Variants in PCDH15 observed in about 807,000 individuals in gnomAD.
PCDH15 encodes protocadherin-15.
In PCDH15, 129 loss-of-function variants were observed where a neutral mutation model predicts 178.5. That is an observed-to-expected ratio of 0.72 (90% CI 0.63 to 0.84). PCDH15 has a LOEUF of 0.84. Among genes scored for constraint, PCDH15 ranks in the 40% least tolerant of loss-of-function variants. The pLI is 0.00. For missense variants in PCDH15, 2,230 were observed against 2,099.9 expected, an observed-to-expected ratio of 1.06 and a Z score of -1.21; for synonymous variants, 800 against 732.0, an observed-to-expected ratio of 1.09 and a Z score of -1.50.
chr10:54,258,966 T>A (rs1202330661), intron 8 of PCDH15, among the ~76,000 whole-genome samples: 1 of 152,134 alleles, frequency 6.6e-6, no homozygotes, highest in Non-Finnish European at 1.5e-5. Context: ...GCAAATAAGT[T>A]TTTTTCCATA....
intron 1 of PCDH15, among the ~76,000 whole-genome samples, chr10:54,733,268 A>C (rs1329428193): frequency 1.3e-5 from 2 of 151,664 alleles, no homozygotes; most frequent in African/African-American, 4.8e-5. Context: ...ACTTTCAAGA[A>C]TAGCAAAAGA....
At chr10:53,910,355 A>G (rs1206806143) in intron 25 of PCDH15, among the ~76,000 whole-genome samples, 1 of 152,132 alleles carries the variant, frequency 6.6e-6, no homozygotes, top group African/African-American at 2.4e-5. Flanking sequence ...CTCCGCTGGT[A>G]ACACCCAGGC....
intron 2 of PCDH15, among the ~76,000 whole-genome samples, chr10:55,105,672 ATTG>A (rs1177000751): frequency 6.6e-6 from 1 of 152,104 alleles, no homozygotes; most frequent in Non-Finnish European, 1.5e-5. Flanking sequence ...AGGTATGTTT[ATTG>A]TTTAAAGCTC....
At chr10:54,762,016 C>T (rs1733926510) in intron 1 of PCDH15, among the ~76,000 whole-genome samples, 1 of 152,092 alleles carries the variant, frequency 6.6e-6, no homozygotes, top group South Asian at 2.1e-4. Context: ...ATACCACTGA[C>T]AGCAGGCACT....
chr10:55,409,751 G>A (rs191311926), intron 2 of PCDH15, among the ~76,000 whole-genome samples: 5 of 152,268 alleles, frequency 3.3e-5, no homozygotes, highest in Admixed American at 1.3e-4. Flanking sequence ...GCAAAGTTAT[G>A]TAAATATGTG....
At chr10:55,044,509 T>C (rs1490734888) in intron 2 of PCDH15, among the ~76,000 whole-genome samples, 2 of 152,118 alleles carry the variant, frequency 1.3e-5, no homozygotes, top group Non-Finnish European at 2.9e-5. Flanking sequence ...ACCTCCATAT[T>C]AATTTAACAT....
At position 53,822,457 on chromosome 10, in the gene PCDH15, AAGGAGGAGAAAT is replaced by A. The variant is rs756858099; in HGVS notation, c.4368-2239_4368-2228del. 23 of 1,599,846 alleles carry A rather than the reference AAGGAGGAGAAAT, an allele frequency of 1.4e-5. No individual in the cohort carries two copies. Among genetic ancestry groups the A allele is most frequent in the South Asian group, 3.3e-5 (3 of 89,804 alleles). Reference sequence around the variant, plus strand: ...AGAGGAGCAGGAGCAGGAGGAGGAGAAGGAGGAGAAATAGGAGGAGGAGGGGGAAGGGGACAG... The same window carrying A: ...AGAGGAGCAGGAGCAGGAGGAGGAGAAGGAGGAGGAGGGGGAAGGGGACAG... On this transcript the variant is annotated intron_variant, in intron 32 of 37. Transcript: ENST00000644397.
chr10:53,814,740 C>A (rs558362379), intron 35 of PCDH15, among the ~76,000 whole-genome samples: 6 of 151,810 alleles, frequency 4.0e-5, no homozygotes, highest in African/African-American at 1.5e-4. Flanking sequence ...CCGAGGTGGG[C>A]GGATCACAAG....
At chr10:55,443,399 T>C (rs1177944247) in intron 2 of PCDH15, among the ~76,000 whole-genome samples, 1 of 151,840 alleles carries the variant, frequency 6.6e-6, no homozygotes, top group Admixed American at 6.6e-5. Context: ...AGGGCTAATA[T>C]CCAGAATCTA....
chr10:55,239,889 A>G (rs147892204), intron 1 of PCDH15, among the ~76,000 whole-genome samples: 11 of 152,314 alleles, frequency 7.2e-5, no homozygotes, highest in African/African-American at 2.6e-4. Context: ...CTGAATAGAC[A>G]TTTCTCTAAA....
chr10:55,427,437 A>G (rs907852756), intron 2 of PCDH15, among the ~76,000 whole-genome samples: 49 of 152,192 alleles, frequency 3.2e-4, no homozygotes, highest in Non-Finnish European at 1.2e-4. Flanking sequence ...GAAAAACACA[A>G]AAGAATTTCA....
chr10:54,353,516 C>T lies in PCDH15; in HGVS notation c.475-7032G>A, dbSNP rs191128146. Among the ~76,000 whole-genome samples the T allele has an allele frequency of 1.4e-4, 22 of 152,204 alleles. No individual in the cohort carries two copies. In the East Asian group the frequency reaches 3.7e-3, roughly 25 times the overall value. On this transcript the variant is annotated intron_variant, in intron 5 of 37. Transcript: ENST00000644397. ...TATTTTTATCACACTGTAAAATTTC[C>T]TAATATCCCTGTACAGACTATCTTG... is the stretch of plus-strand genomic sequence containing the variant.
intron 2 of PCDH15, among the ~76,000 whole-genome samples, chr10:55,494,001 T>C (rs1840478940): frequency 6.6e-6 from 1 of 151,880 alleles, no homozygotes; most frequent in Non-Finnish European, 1.5e-5. Context: ...TTAGAATCCA[T>C]TTTAATTTTT....
intron 8 of PCDH15, among the ~76,000 whole-genome samples, chr10:54,244,865 C>T (rs7911444): frequency 0.047 from 7,134 of 152,180 alleles, 406 homozygotes; most frequent in African/African-American, 0.14. Flanking sequence ...GTTTGCTTTA[C>T]CATGAAGATA....
chr10:55,130,596 TA>T (rs1393509676), intron 2 of PCDH15, among the ~76,000 whole-genome samples: 1 of 152,058 alleles, frequency 6.6e-6, no homozygotes, highest in African/African-American at 2.4e-5. Flanking sequence ...TACTCATAGG[TA>T]AGGTGGAAAT....
intron 1 of PCDH15, among the ~76,000 whole-genome samples, chr10:55,224,791 T>A (rs2132189412): frequency 6.6e-6 from 1 of 152,192 alleles, no homozygotes; most frequent in Middle Eastern, 3.4e-3. Context: ...GTCCTCCAAC[T>A]TACAACTCAT....
rs1028340373 is a variant in PCDH15, at chr10:53,811,681, T to A, written c.4492-62A>T. ...ATTCTTATCACGTTTCAGGTCAAAGTCAGATTTCTACACCTAGAATTCCAT... is the reference window on the plus strand; with the variant it reads ...ATTCTTATCACGTTTCAGGTCAAAGACAGATTTCTACACCTAGAATTCCAT... On this transcript the variant is annotated intron_variant, in intron 35 of 37. Transcript: ENST00000644397. 5 of 1,062,846 alleles carry A rather than the reference T, an allele frequency of 4.7e-6. No individual in the cohort carries two copies. In the African/African-American group the frequency reaches 8.1e-5, roughly 17 times the overall value. The allele number at this position is 1,062,846 out of a possible 1,614,324, so 65.8% of individuals were successfully genotyped here.
intron 1 of PCDH15, among the ~76,000 whole-genome samples, chr10:54,710,103 G>A (rs1016680958): frequency 6.6e-6 from 1 of 151,736 alleles, no homozygotes; most frequent in African/African-American, 2.4e-5. Flanking sequence ...CTGCATAAAT[G>A]TAGCAATTCA....
intron 2 of PCDH15, among the ~76,000 whole-genome samples, chr10:55,364,373 C>A (rs1565060339): frequency 6.6e-6 from 1 of 152,168 alleles, no homozygotes; most frequent in Non-Finnish European, 1.5e-5. Context: ...TCTGGCTTCA[C>A]AGTTCTTTTC....
Sources: allele counts gnomAD v4.1 joint callset (sites outside exome capture counted in the v4.1 genomes callset), GRCh38; gene constraint gnomAD v4.1.1; transcripts MANE v1.5; gene names NCBI Gene and HGNC (gene_info 2026-07-23, HGNC 2026-07-21).